Variants in RNF144A observed in about 807,000 individuals in gnomAD.
The protein encoded by RNF144A is ring finger protein 144A, also known as E3 ubiquitin-protein ligase RNF144A.
Under a neutral mutation model 38.7 loss-of-function variants are expected in RNF144A, and 11 were observed. That is an observed-to-expected ratio of 0.28 (90% CI 0.18 to 0.47). RNF144A has a LOEUF of 0.47. Among genes scored for constraint, RNF144A ranks in the 20% least tolerant of loss-of-function variants. The pLI is 0.99. For missense variants in RNF144A, 316 were observed against 377.2 expected (o/e 0.84, Z 1.34); for synonymous variants, 149 against 143.9 (o/e 1.04, Z -0.25).
rs762999938 is a variant in RNF144A, at chr2:7,020,568, G to A, written c.397G>A (p.Val133Met). 2.5e-6 allele frequency: 4 copies of A among 1,613,282 alleles called. No homozygotes were observed. The highest frequency in any genetic ancestry group is 3.4e-6 in the Non-Finnish European group (4 of 1,180,020). The change falls in exon 6 of 9, where the codon GTG (valine) becomes ATG (methionine). Residue 133 changes from valine (V) to methionine (M), a missense_variant. Coordinates refer to ENST00000320892, the MANE Select transcript of RNF144A (RefSeq NM_014746.6). ...CGTGGGGCTGCAGACCCCCCAGCCA[G>A]TGCAGTGCAAAGCCTGCCGTATGGA... ...QDVGLQTPQPVQCKACRMEFC... is the reference protein window; with the variant it reads ...QDVGLQTPQPMQCKACRMEFC...
chr2:7,009,280 TG>T (rs1670645386), intron 3 of RNF144A, among the ~76,000 whole-genome samples: 1 of 152,200 alleles, frequency 6.6e-6, no homozygotes, highest in Non-Finnish European at 1.5e-5. Context: ...CCAGCAAGGA[TG>T]CCACCTGCAA....
intron 2 of RNF144A, among the ~76,000 whole-genome samples, chr2:6,967,557 G>C (rs1265687441): frequency 6.6e-6 from 1 of 152,222 alleles, no homozygotes; most frequent in Non-Finnish European, 1.5e-5. Flanking sequence ...GTAGATCTCA[G>C]CTGCTGCTCC....
chr2:7,021,180 C>A (rs1295045793), intron 6 of RNF144A, among the ~76,000 whole-genome samples: 1 of 152,168 alleles, frequency 6.6e-6, no homozygotes, highest in South Asian at 2.1e-4. Flanking sequence ...TGCTGCCGCA[C>A]CACGCTCTGT....
chr2:6,954,939 A>G (rs1666906823), intron 2 of RNF144A, among the ~76,000 whole-genome samples: 4 of 152,192 alleles, frequency 2.6e-5, no homozygotes, highest in South Asian at 2.1e-4. Flanking sequence ...TTATAAGGTG[A>G]CCCACACACT....
rs1316241749 is a variant in RNF144A at position 6,958,306 on chromosome 2, C to T, written c.-12+17159C>T. Among the ~76,000 whole-genome samples the T allele has an allele frequency of 9.2e-5, 14 of 152,318 alleles. No homozygotes were observed. The highest frequency in any genetic ancestry group is 7.2e-4 in the Admixed American group (11 of 15,296). The stretch of plus-strand genomic sequence containing the variant: ...ACAGTCCAGTAACTCAGCAGCCTGC[C>T]GTGCCAGAGACAGAACAGACACACG... On this transcript the variant is annotated intron_variant, in intron 2 of 8. Coordinates refer to ENST00000320892, the MANE Select transcript of RNF144A (RefSeq NM_014746.6). The surrounding 1 kb of genome is among the most constrained non-coding windows in gnomAD (Gnocchi z 4.5).
chr2:6,990,381 TATTTACACACACAC>T (rs1669254191), intron 2 of RNF144A, among the ~76,000 whole-genome samples: 1 of 122,428 alleles, frequency 8.2e-6, no homozygotes, highest in African/African-American at 3.3e-5. Flanking sequence ...AGACTATATA[TATTTACACACACAC>T]ACACACACAC....
At chr2:6,984,586 G>A (rs1668839052) in intron 2 of RNF144A, among the ~76,000 whole-genome samples, 1 of 152,252 alleles carries the variant, frequency 6.6e-6, no homozygotes, top group Non-Finnish European at 1.5e-5. Flanking sequence ...ACAGGCGTGA[G>A]CCACCGCACT....
intron 6 of RNF144A, among the ~76,000 whole-genome samples, chr2:7,051,145 A>G (rs998532920): frequency 2.6e-4 from 40 of 152,296 alleles, no homozygotes; most frequent in African/African-American, 9.1e-4. Flanking sequence ...AGTCAGAGCA[A>G]ATTTCTGGAG....
chr2:7,008,508 C>T (rs1670595932), intron 3 of RNF144A, among the ~76,000 whole-genome samples: 1 of 152,226 alleles, frequency 6.6e-6, no homozygotes, highest in Admixed American at 6.5e-5. Context: ...CAGGCCCCCT[C>T]CCGACACGGT....
chr2:7,045,779 A>T (rs1295212851), downstream of RNF144A, among the ~76,000 whole-genome samples: 1 of 152,148 alleles, frequency 6.6e-6, no homozygotes, highest in East Asian at 1.9e-4. Flanking sequence ...GAGAAGGTGG[A>T]CGGGTACAGC....
At chr2:6,998,213 T>C (rs755863105) in intron 3 of RNF144A, among the ~76,000 whole-genome samples, 1 of 152,066 alleles carries the variant, frequency 6.6e-6, no homozygotes, top group Non-Finnish European at 1.5e-5. Context: ...TGCTGTTGTA[T>C]GTGGATGGTG....
chr2:6,939,072 T>C (rs1432687024), intron 1 of RNF144A, among the ~76,000 whole-genome samples: 1 of 152,208 alleles, frequency 6.6e-6, no homozygotes, highest in Non-Finnish European at 1.5e-5. Flanking sequence ...TGTGGAGATA[T>C]ATTTTCATTT....
At chr2:6,932,377 T>C (rs2103281786) in intron 1 of RNF144A, among the ~76,000 whole-genome samples, 1 of 152,364 alleles carries the variant, frequency 6.6e-6, no homozygotes, top group Admixed American at 6.5e-5. Flanking sequence ...TGAATATCTG[T>C]ACCTTTTAAC....
intron 6 of RNF144A, among the ~76,000 whole-genome samples, chr2:7,049,663 A>G (rs1673441981): frequency 6.6e-6 from 1 of 152,206 alleles, no homozygotes; most frequent in Non-Finnish European, 1.5e-5. Flanking sequence ...GTTAAATAAT[A>G]ATTTAATGTT....
At chr2:7,010,619 G>A (rs1228530238) in intron 3 of RNF144A, among the ~76,000 whole-genome samples, 2 of 152,160 alleles carry the variant, frequency 1.3e-5, no homozygotes, top group African/African-American at 4.8e-5. Context: ...AATCAGCAGT[G>A]CTGTCTCGTC....
chr2:6,929,525 T>C (rs545054050), intron 1 of RNF144A, among the ~76,000 whole-genome samples: 5 of 152,306 alleles, frequency 3.3e-5, no homozygotes, highest in Admixed American at 2.6e-4. Context: ...ATAAGGGACA[T>C]TGGGATCCTG....
chr2:6,947,311 A>T (rs1169532093), intron 2 of RNF144A, among the ~76,000 whole-genome samples: 1 of 152,072 alleles, frequency 6.6e-6, no homozygotes, highest in Non-Finnish European at 1.5e-5. Flanking sequence ...AGTAATTTTT[A>T]ATAGTTGGAA....
rs1667170193 is a variant in RNF144A, at chr2:6,958,942, T to C, written c.-12+17795T>C. Reference sequence around the variant, plus strand: ...TTTTACCCAGTGACTCCCTAAATGGTGCATTAGATCATCTTGCAGGTGCAG... The same window carrying C: ...TTTTACCCAGTGACTCCCTAAATGGCGCATTAGATCATCTTGCAGGTGCAG... On this transcript the variant is annotated intron_variant, in intron 2 of 8. Coordinates refer to ENST00000320892, the MANE Select transcript of RNF144A (RefSeq NM_014746.6). The surrounding 1 kb of genome is among the most constrained non-coding windows in gnomAD (Gnocchi z 4.5). Among the ~76,000 whole-genome samples, 1 of 152,218 alleles carries C rather than the reference T, an allele frequency of 6.6e-6. No individual in the cohort carries two copies. Among genetic ancestry groups the C allele is most frequent in the Admixed American group, 6.5e-5 (1 of 15,290 alleles).
At chr2:7,050,694 TTC>T (rs1480010119) in intron 6 of RNF144A, among the ~76,000 whole-genome samples, 2 of 152,208 alleles carry the variant, frequency 1.3e-5, no homozygotes, top group South Asian at 2.1e-4. Flanking sequence ...GTAGCATAAA[TTC>T]TCTCATATAC....
Sources: allele counts gnomAD v4.1 joint callset (sites outside exome capture counted in the v4.1 genomes callset), GRCh38; gene constraint gnomAD v4.1.1; non-coding constraint Gnocchi (gnomAD v3.1); transcripts MANE v1.5; gene names NCBI Gene and HGNC (gene_info 2026-07-23, HGNC 2026-07-21).